CACNB4: variants seen among roughly 807,000 people sequenced by gnomAD.
CACNB4 encodes the protein voltage-dependent L-type calcium channel subunit beta-4.
A neutral mutation model predicts 71.2 loss-of-function variants in CACNB4; 32 were observed. The ratio of observed to expected loss-of-function variants is 0.45; its 90% CI spans 0.34 to 0.60. The LOEUF (loss-of-function observed/expected upper bound fraction) is 0.60. Among genes scored for constraint, CACNB4 ranks in the 20% least tolerant of loss-of-function variants. The pLI, the probability that CACNB4 is intolerant of heterozygous loss-of-function variation, is 0.01. For synonymous variants in CACNB4, 231 were observed against 236.9 expected (o/e 0.97, Z 0.23); for missense variants, 464 against 647.9 (o/e 0.72, Z 3.08).
At chr2:151,925,084 ATTC>A (rs1211576352) in intron 2 of CACNB4, among the ~76,000 whole-genome samples, 1 of 152,144 alleles carries the variant, frequency 6.6e-6, no homozygotes, top group African/African-American at 2.4e-5. Flanking sequence ...ATTGGATTTT[ATTC>A]TTCTTTGTAT....
chr2:151,989,037 C>T (rs1366130455), intron 2 of CACNB4, among the ~76,000 whole-genome samples: 1 of 152,198 alleles, frequency 6.6e-6, no homozygotes. Context: ...TTCCACCCCA[C>T]AAATACCTCT....
At chr2:152,005,729 A>G (rs16830583) in intron 2 of CACNB4, among the ~76,000 whole-genome samples, 12,968 of 152,250 alleles carry the variant, frequency 0.085, 1,849 homozygotes, top group African/African-American at 0.3. Context: ...AATGAGAAAC[A>G]GCTTTCAGGA....
chr2:152,037,101 G>T (rs1032318439), intron 2 of CACNB4, among the ~76,000 whole-genome samples: 2 of 152,156 alleles, frequency 1.3e-5, no homozygotes, highest in Non-Finnish European at 2.9e-5. Context: ...TGATTCTTGC[G>T]GGGGCATAGG....
intron 2 of CACNB4, among the ~76,000 whole-genome samples, chr2:152,074,827 T>C (rs1686919465): frequency 6.6e-6 from 1 of 151,866 alleles, no homozygotes; most frequent in Non-Finnish European, 1.5e-5. Flanking sequence ...TTGCCCCATC[T>C]TCATCATCAC....
intron 2 of CACNB4, among the ~76,000 whole-genome samples, chr2:151,932,663 T>C (rs1277793803): frequency 1.3e-5 from 2 of 151,810 alleles, no homozygotes; most frequent in East Asian, 1.9e-4. Context: ...CATGACAAAA[T>C]GTCTCTACTA....
chr2:152,083,262 ATG>A (rs893892667), intron 2 of CACNB4, among the ~76,000 whole-genome samples: 2 of 151,500 alleles, frequency 1.3e-5, no homozygotes, highest in South Asian at 2.1e-4. Context: ...ACGTGTACAC[ATG>A]TGTGTGTGTG....
intron 2 of CACNB4, among the ~76,000 whole-genome samples, chr2:152,034,031 G>C (rs1055511679): frequency 6.6e-6 from 1 of 152,170 alleles, no homozygotes; most frequent in African/African-American, 2.4e-5. Context: ...GGAAAATTAA[G>C]TTCAACAGTT....
intron 2 of CACNB4, among the ~76,000 whole-genome samples, chr2:151,915,269 C>A (rs2099857168): frequency 6.6e-6 from 1 of 152,198 alleles, no homozygotes; most frequent in Admixed American, 6.5e-5. Flanking sequence ...ACTAACACAG[C>A]CGGTCTGTTG....
chr2:151,888,528 A>T (rs1405749692), intron 2 of CACNB4, among the ~76,000 whole-genome samples: 1 of 152,170 alleles, frequency 6.6e-6, no homozygotes, highest in Non-Finnish European at 1.5e-5. Flanking sequence ...ATGATGCCAC[A>T]GCACTCTGCC....
intron 2 of CACNB4, among the ~76,000 whole-genome samples, chr2:152,077,004 A>G (rs564388445): frequency 1.3e-5 from 2 of 152,308 alleles, no homozygotes; most frequent in East Asian, 1.9e-4. Context: ...AGGTCTCTCT[A>G]AAAAGGTAAT....
chr2:151,969,851 T>C (rs191411837), intron 2 of CACNB4: 80 of 152,356 alleles, frequency 5.3e-4, no homozygotes, highest in African/African-American at 1.9e-3. Flanking sequence ...AACTTTTACA[T>C]ACATAAAATT....
chr2:152,008,520 G>A (rs978848170), intron 2 of CACNB4, among the ~76,000 whole-genome samples: 3 of 151,966 alleles, frequency 2.0e-5, no homozygotes, highest in Admixed American at 6.5e-5. Flanking sequence ...GGCTGGTCTC[G>A]AACTCCTGGC....
intron 2 of CACNB4, among the ~76,000 whole-genome samples, chr2:152,044,982 G>A (rs559994941): frequency 2.6e-5 from 4 of 152,254 alleles, no homozygotes; most frequent in South Asian, 4.1e-4. Flanking sequence ...TTGGTGGGGC[G>A]GAGGAGAGAG....
intron 2 of CACNB4, among the ~76,000 whole-genome samples, chr2:151,948,216 C>T (rs2099866060): frequency 6.6e-6 from 1 of 152,212 alleles, no homozygotes. Context: ...CTAAATGAGC[C>T]TTGCAGTTTA....
At chr2:151,995,666 G>A (rs1293114266) in intron 2 of CACNB4, among the ~76,000 whole-genome samples, 6 of 152,134 alleles carry the variant, frequency 3.9e-5, no homozygotes, top group South Asian at 2.1e-4. Context: ...CCAAGATCAC[G>A]CCACTGCACC....
intron 2 of CACNB4, among the ~76,000 whole-genome samples, chr2:151,896,643 C>T (rs2099852140): frequency 6.6e-6 from 1 of 152,188 alleles, no homozygotes; most frequent in Non-Finnish European, 1.5e-5. Flanking sequence ...CCTTCCTCTC[C>T]AATCAGTTCA....
chr2:151,871,672 T>C (rs574268866), intron 6 of CACNB4: 4 of 152,622 alleles, frequency 2.6e-5, no homozygotes, highest in Non-Finnish European at 1.5e-5. Flanking sequence ...CCAATCCAGT[T>C]GCCTCCAGTT....
intron 2 of CACNB4, among the ~76,000 whole-genome samples, chr2:152,075,656 A>G (rs1049349786): frequency 4.6e-5 from 7 of 151,906 alleles, no homozygotes; most frequent in African/African-American, 1.7e-4. Context: ...TGAGCCATAC[A>G]CCCCTCAGCC....
At chr2:152,067,704 C>T (rs1408333853) in intron 2 of CACNB4, among the ~76,000 whole-genome samples, 1 of 152,150 alleles carries the variant, frequency 6.6e-6, no homozygotes, top group Non-Finnish European at 1.5e-5. Flanking sequence ...AGCTAGATCA[C>T]CCGCCCTATT....
Sources: gnomAD v4.1 joint callset for allele counts (sites outside exome capture counted in the v4.1 genomes callset) on GRCh38, gnomAD v4.1.1 for gene constraint, MANE v1.5 for transcripts, NCBI Gene and HGNC (gene_info 2026-07-23, HGNC 2026-07-21) for gene names.